NOMO2: variants seen among roughly 807,000 people sequenced by gnomAD.
The protein encoded by NOMO2 is BOS complex subunit NOMO2.
In NOMO2, 14 loss-of-function variants were observed where a neutral mutation model predicts 67.1. The ratio of observed to expected loss-of-function variants is 0.21; its 90% CI spans 0.14 to 0.33. The LOEUF is 0.33. Ranked by LOEUF, NOMO2 falls within the 10% of genes least tolerant of loss-of-function variation. The probability of loss-of-function intolerance (pLI) is 1.00; values close to 1 mark genes in which losing one functional copy is unlikely to be tolerated. For synonymous variants in NOMO2, 80 were observed against 305.9 expected (o/e 0.26, Z 7.71); for missense variants, 178 against 761.0 (o/e 0.23, Z 9.01).
At chr16:18,528,950 A>G (rs1475362120) in intron 15 of NOMO2, among the ~76,000 whole-genome samples, 7 of 127,034 alleles carry the variant, frequency 5.5e-5, no homozygotes, top group Non-Finnish European at 1.2e-4. Context: ...CCTGGGCAAC[A>G]GAGCAAGACT....
intron 11 of NOMO2, among the ~76,000 whole-genome samples, chr16:18,534,112 C>CA (rs1207477359): frequency 6.6e-6 from 1 of 151,858 alleles, no homozygotes; most frequent in Non-Finnish European, 1.5e-5. Context: ...CACTCCGCCT[C>CA]AAATAAAAAA....
chr16:18,558,744 C>T (rs1188225395), intron 1 of NOMO2: 3 of 436,022 alleles, frequency 6.9e-6, no homozygotes, highest in Admixed American at 2.4e-5. Context: ...GAGTCTTCCA[C>T]GTGTTGTGTG....
chr16:18,551,132 C>G (rs144628963), intron 4 of NOMO2, among the ~76,000 whole-genome samples: 2,610 of 149,668 alleles, frequency 0.017, 1 homozygote, highest in African/African-American at 0.063. Context: ...CAAGATTGCA[C>G]CACTGCACTC....
At chr16:18,529,860 A>T (rs1901255657) in intron 14 of NOMO2, among the ~76,000 whole-genome samples, 1 of 151,404 alleles carries the variant, frequency 6.6e-6, no homozygotes, top group South Asian at 2.1e-4. Flanking sequence ...CATGCCTATA[A>T]TCCCAGCACT....
At chr16:18,526,480 T>C (rs2141714562) in intron 16 of NOMO2, among the ~76,000 whole-genome samples, 2 of 151,984 alleles carry the variant, frequency 1.3e-5, no homozygotes, top group African/African-American at 4.8e-5. Context: ...TCCGTAACAT[T>C]AGTCATAACA....
At chr16:18,535,382 C>G (rs372785284) in intron 11 of NOMO2, among the ~76,000 whole-genome samples, 25 of 111,254 alleles carry the variant, frequency 2.2e-4, no homozygotes, top group Non-Finnish European at 4.6e-4. Context: ...AAATGTACTA[C>G]GTCGGCCAAT....
In NOMO2 at chr16:18,562,014, C is replaced by A; in HGVS notation, c.27G>T (p.Leu9=). ...CGGCGGTGACCACCGCGGGCCCCAG[C>A]AGCCCCGCGCCCTGGCCCACCAGCA... is the stretch of plus-strand genomic sequence containing the variant. The part of the protein sequence containing the change: MLVGQGAG[L]LGPAVVTAAV... Residue 9 remains leucine (L), a synonymous_variant, in exon 1 of 31, where the codon CTG becomes CTT. Coordinates refer to ENST00000622306, the MANE Select transcript of NOMO2 (RefSeq NM_173614.4). 1.3e-6 allele frequency: 2 copies of A among 1,539,102 alleles called. No homozygotes were observed. Among genetic ancestry groups the A allele is most frequent in the South Asian group, 1.2e-5 (1 of 83,532 alleles).
chr16:18,550,912 C>T (rs1272593331), intron 4 of NOMO2, among the ~76,000 whole-genome samples: 2 of 151,700 alleles, frequency 1.3e-5, no homozygotes, highest in African/African-American at 4.8e-5. Context: ...AATCCCAGCA[C>T]TATGGGAGGT....
chr16:18,543,615 A>G lies in NOMO2; in HGVS notation c.735+2T>C, dbSNP rs1901597049. 2 of 1,611,442 alleles carry G rather than the reference A, an allele frequency of 1.2e-6. No homozygotes were observed. Among genetic ancestry groups the G allele is most frequent in the African/African-American group, 2.7e-5 (2 of 74,786 alleles). On this transcript the variant is annotated splice_donor_variant, in intron 7 of 30. Transcript: ENST00000622306. LOFTEE classifies it high-confidence loss of function. ...ATCTCTTTTGTTCTTTTCTTTGCTT[A>G]CCTCTTTAGTTACTAAAGAAGAAAA...
intron 11 of NOMO2, among the ~76,000 whole-genome samples, chr16:18,536,437 T>A (rs907285853): frequency 2.0e-5 from 3 of 151,682 alleles, no homozygotes; most frequent in Non-Finnish European, 2.9e-5. Flanking sequence ...GTCTTTTTTG[T>A]CTTTTTTTAA....
Position 18,546,331 on chromosome 16 carries a change from A to G in NOMO2, c.582+897T>C, listed in dbSNP as rs1366201480. Among the ~76,000 whole-genome samples, 2 of 56,014 alleles carry G rather than the reference A, an allele frequency of 3.6e-5. 1 individual carries two copies. The highest frequency in any genetic ancestry group is 1.1e-4 in the African/African-American group (2 of 18,676). 36.7% of individuals were successfully genotyped at this position (56,014 alleles called of 152,430 possible). A position where few individuals can be genotyped will look rare whatever the true frequency, so the allele number is the denominator to read the frequency against. On this transcript the variant is annotated intron_variant, in intron 6 of 30. Transcript: ENST00000622306. ...TATCTGGCCGAGTGCACTGGTTTAT[A>G]CCTGTAATCCCACCACTTTTTTGAG...
At chr16:18,547,797 A>G (rs1901686454) in intron 5 of NOMO2, among the ~76,000 whole-genome samples, 1 of 151,640 alleles carries the variant, frequency 6.6e-6, no homozygotes, top group African/African-American at 2.4e-5. Context: ...AACTATGACA[A>G]GCTTTGAATC....
intron 1 of NOMO2, among the ~76,000 whole-genome samples, chr16:18,559,021 G>A (rs1376492245): frequency 6.6e-6 from 1 of 151,832 alleles, no homozygotes; most frequent in African/African-American, 2.4e-5. Flanking sequence ...AAATTAGCTA[G>A]GCATGATGGC....
intron 2 of NOMO2, among the ~76,000 whole-genome samples, chr16:18,557,113 C>T (rs1178915268): frequency 2.7e-5 from 4 of 150,866 alleles, no homozygotes; most frequent in African/African-American, 4.9e-5. Context: ...GGCGACAGAG[C>T]GAGACTCCAT....
At chr16:18,556,450 A>AAAG (rs1185094550) in intron 2 of NOMO2, among the ~76,000 whole-genome samples, 2 of 150,958 alleles carry the variant, frequency 1.3e-5, no homozygotes, top group African/African-American at 4.9e-5. Context: ...CTCAAAAAAA[A>AAAG]AAAAAAAAGT....
chr16:18,561,173 T>TAAAAAAAAAAAAAAA (rs756246897), intron 1 of NOMO2, among the ~76,000 whole-genome samples: 11 of 32,456 alleles, frequency 3.4e-4, no homozygotes, highest in Admixed American at 5.4e-4. Flanking sequence ...ACAACTTAAT[T>TAAAAAAAAAAAAAAA]AAAAAAAAAA....
chr16:18,547,589 G>A (rs996241709), intron 5 of NOMO2, among the ~76,000 whole-genome samples: 1 of 152,006 alleles, frequency 6.6e-6, no homozygotes, highest in African/African-American at 2.4e-5. Context: ...ACCAATCCTT[G>A]TAGCACAGCA....
chr16:18,560,029 C>T (rs1293482273), intron 1 of NOMO2, among the ~76,000 whole-genome samples: 1 of 151,410 alleles, frequency 6.6e-6, no homozygotes, highest in Non-Finnish European at 1.5e-5. Flanking sequence ...TCAATGAACA[C>T]GATGTAAAAA....
chr16:18,543,288 A>G (rs1342302720), intron 7 of NOMO2, among the ~76,000 whole-genome samples: 1,927 of 141,706 alleles, frequency 0.014, 25 homozygotes, highest in Admixed American at 0.02. Context: ...AAGCGATTCT[A>G]CTGCCTCAGC....
Sources: allele counts gnomAD v4.1 joint callset (sites outside exome capture counted in the v4.1 genomes callset), GRCh38; gene constraint gnomAD v4.1.1; transcripts MANE v1.5; gene names NCBI Gene and HGNC (gene_info 2026-07-23, HGNC 2026-07-21).